LRRC7: variants seen among roughly 807,000 people sequenced by gnomAD.
LRRC7 encodes leucine rich repeat containing 7.
Under a neutral mutation model 175.7 loss-of-function variants are expected in LRRC7, and 23 were observed. The observed-to-expected ratio is 0.13, with a 90% CI of 0.09 to 0.19. The LOEUF (loss-of-function observed/expected upper bound fraction) is 0.19, where lower values mean the gene tolerates loss of function less well. LRRC7 is among the 10% of genes least tolerant of loss of function. The probability of loss-of-function intolerance (pLI) is 1.00; values close to 1 mark genes in which losing one functional copy is unlikely to be tolerated. For synonymous variants in LRRC7, 685 were observed against 680.9 expected (o/e 1.01, Z -0.09); for missense variants, 1,354 against 1,904.7 (o/e 0.71, Z 5.38).
chr1:70,113,675 T>G (rs569040996), intron 26 of LRRC7, among the ~76,000 whole-genome samples: 44 of 152,170 alleles, frequency 2.9e-4, no homozygotes, highest in Non-Finnish European at 5.7e-4. Flanking sequence ...AAAGAAAGTT[T>G]TGTACTTTCA....
intron 7 of LRRC7, among the ~76,000 whole-genome samples, chr1:69,905,563 C>T (rs1299769518): frequency 6.6e-6 from 1 of 152,096 alleles, no homozygotes; most frequent in Non-Finnish European, 1.5e-5. Flanking sequence ...CAGTTTCATC[C>T]ATGTCTGTAC....
At chr1:70,093,584 G>T (rs1361758174) in intron 25 of LRRC7, among the ~76,000 whole-genome samples, 2 of 152,068 alleles carry the variant, frequency 1.3e-5, no homozygotes, top group East Asian at 3.9e-4. Flanking sequence ...AGACTAATAT[G>T]ATATTCTAAT....
At chr1:69,925,380 A>G (rs1409240091) in intron 7 of LRRC7, among the ~76,000 whole-genome samples, 2 of 152,196 alleles carry the variant, frequency 1.3e-5, no homozygotes, top group African/African-American at 4.8e-5. Context: ...GAATGGTACC[A>G]GTTCCTCCTT....
At chr1:69,608,719 G>T (rs1648067943) in intron 1 of LRRC7, among the ~76,000 whole-genome samples, 1 of 151,174 alleles carries the variant, frequency 6.6e-6, no homozygotes, top group Non-Finnish European at 1.5e-5. Flanking sequence ...AGAGATGTAA[G>T]AACTCTGACC....
At chr1:69,951,038 C>T (rs1649857284) in intron 8 of LRRC7, among the ~76,000 whole-genome samples, 1 of 151,400 alleles carries the variant, frequency 6.6e-6, no homozygotes, top group Admixed American at 6.6e-5. Flanking sequence ...TATTTTCAAA[C>T]TATGCATCTG....
chr1:69,666,916 T>A (rs1324730410), intron 1 of LRRC7, among the ~76,000 whole-genome samples: 1 of 152,108 alleles, frequency 6.6e-6, no homozygotes, highest in Non-Finnish European at 1.5e-5. Context: ...TTATTTGAAG[T>A]TTTTCTTTTG....
At chr1:69,690,630 A>G (rs1262610085) in intron 2 of LRRC7, among the ~76,000 whole-genome samples, 1 of 152,286 alleles carries the variant, frequency 6.6e-6, no homozygotes, top group East Asian at 1.9e-4. Flanking sequence ...CTTGGCAGAC[A>G]TCAGGACTGT....
At chr1:69,774,096 G>A (rs1178343685) in intron 3 of LRRC7, among the ~76,000 whole-genome samples, 1 of 152,094 alleles carries the variant, frequency 6.6e-6, no homozygotes, top group African/African-American at 2.4e-5. Flanking sequence ...GGATATCTGT[G>A]GAAGCAAAAA....
At chr1:69,801,791 G>A (rs1326626385) in intron 4 of LRRC7, among the ~76,000 whole-genome samples, 1 of 148,080 alleles carries the variant, frequency 6.8e-6, no homozygotes, top group African/African-American at 2.5e-5. Context: ...AGTTTCTTGG[G>A]ATGAGACTGG....
At chr1:69,814,883 T>A (rs1261688447) in intron 4 of LRRC7, among the ~76,000 whole-genome samples, 1 of 152,174 alleles carries the variant, frequency 6.6e-6, no homozygotes, top group Non-Finnish European at 1.5e-5. Context: ...AAGCATACTC[T>A]TACTTTCTTG....
chr1:70,073,823 G>A (rs1267609338), intron 23 of LRRC7, among the ~76,000 whole-genome samples: 4 of 152,222 alleles, frequency 2.6e-5, no homozygotes, highest in Admixed American at 6.5e-5. Context: ...CCCTCAGTCA[G>A]ATAGTTCCAT....
In LRRC7 at chr1:69,777,617, G is replaced by A. The variant is rs1190831837; in HGVS notation, c.304-14426G>A. Among the ~76,000 whole-genome samples, 3 of 152,096 alleles carry A rather than the reference G, an allele frequency of 2.0e-5. No homozygotes were observed. In the East Asian group the frequency reaches 5.8e-4, roughly 29 times the overall value. Reference sequence around the variant, plus strand: ...CCCCTTGAAACCTATCTCCTGTCCTGTATTACCTGTTTCAGTTGGTGACTA... The same window carrying A: ...CCCCTTGAAACCTATCTCCTGTCCTATATTACCTGTTTCAGTTGGTGACTA... On this transcript the variant is annotated intron_variant, in intron 3 of 26. Transcript: ENST00000651989.
At chr1:69,662,262 C>A (rs1477451825) in intron 1 of LRRC7, among the ~76,000 whole-genome samples, 1 of 116,196 alleles carries the variant, frequency 8.6e-6, no homozygotes, top group East Asian at 2.0e-4. Flanking sequence ...ACCATTCATT[C>A]AATCATTTAA....
chr1:69,689,231 C>A (rs11209520), intron 2 of LRRC7, among the ~76,000 whole-genome samples: 11,290 of 152,180 alleles, frequency 0.074, 565 homozygotes, highest in African/African-American at 0.13. Context: ...CAACCTTAAA[C>A]GACTGTTAGT....
chr1:69,675,654 C>T (rs1044197405), intron 1 of LRRC7, among the ~76,000 whole-genome samples: 1 of 151,936 alleles, frequency 6.6e-6, no homozygotes, highest in Non-Finnish European at 1.5e-5. Context: ...CTGCATTTGC[C>T]GAAACACATA....
intron 23 of LRRC7, among the ~76,000 whole-genome samples, chr1:70,072,035 CATAA>C (rs1662427724): frequency 1.3e-5 from 2 of 152,126 alleles, no homozygotes; most frequent in Admixed American, 1.3e-4. Flanking sequence ...TGGTTTTTGA[CATAA>C]ATATTTTCTT....
Position 69,580,601 on chromosome 1 carries a change from T to A in LRRC7, c.2+11960T>A, listed in dbSNP as rs1487809525. The stretch of plus-strand genomic sequence containing the variant: ...ATTCTGTATATTGTTAGGAGAACTT[T>A]TATAATAAAAATCTACCATATCTAC... On this transcript the variant is annotated intron_variant, in intron 1 of 26. Coordinates refer to ENST00000651989, the MANE Select transcript of LRRC7 (RefSeq NM_001370785.2). Among the ~76,000 whole-genome samples the A allele has an allele frequency of 3.3e-5, 5 of 152,142 alleles. No homozygotes were observed. The South Asian group carries it at 1.0e-3, about 31-fold the overall frequency.
At chr1:69,887,970 C>T (rs1268684461) in intron 7 of LRRC7, among the ~76,000 whole-genome samples, 6 of 137,466 alleles carry the variant, frequency 4.4e-5, no homozygotes, top group South Asian at 2.4e-4. Context: ...AGGCAGTCTG[C>T]CCGTTCTCAG....
chr1:69,914,843 G>A (rs1267168611), intron 7 of LRRC7, among the ~76,000 whole-genome samples: 1 of 152,186 alleles, frequency 6.6e-6, no homozygotes, highest in Admixed American at 6.5e-5. Context: ...ATTGAGTAGA[G>A]ACAGAGACCA....
Sources: allele counts gnomAD v4.1 joint callset (sites outside exome capture counted in the v4.1 genomes callset), GRCh38; gene constraint gnomAD v4.1.1; transcripts MANE v1.5; gene names NCBI Gene and HGNC (gene_info 2026-07-23, HGNC 2026-07-21).